The following DYM variants were observed in gnomAD, a reference collection of about 807,000 sequenced individuals.
DYM encodes dyggve-Melchior-Clausen syndrome protein.
In DYM, 78 loss-of-function variants were observed where a neutral mutation model predicts 93.1. That is an observed-to-expected ratio of 0.84 (90% CI 0.70 to 1.01). DYM has a LOEUF of 1.01. Among genes scored for constraint, DYM ranks in the 50% least tolerant of loss-of-function variants. DYM has a pLI of 0.00. For missense variants in DYM, 789 were observed against 845.0 expected, an observed-to-expected ratio of 0.93 and a Z score of 0.82; for synonymous variants, 321 against 319.7, an observed-to-expected ratio of 1.00 and a Z score of -0.04.
chr18:49,083,157 A>C (rs149500061), intron 17 of DYM, among the ~76,000 whole-genome samples: 42 of 152,338 alleles, frequency 2.8e-4, no homozygotes, highest in Admixed American at 5.9e-4. Context: ...CAATACATAA[A>C]TAAGTGGGTG....
At position 49,313,776 on chromosome 18, in the gene DYM, C is replaced by G. The variant is rs969456454; in HGVS notation, c.763+18088G>C. 3.3e-5 allele frequency among the ~76,000 whole-genome samples: 5 copies of G among 152,056 alleles called. No homozygotes were observed. In the East Asian group the frequency reaches 9.6e-4, roughly 29 times the overall value. On this transcript the variant is annotated intron_variant, in intron 8 of 17. Transcript: ENST00000675505. ...CTCTCTTGGGATCTGGATCGGGACCCCTTTCTGGTAACATCTTTTTGGTGA... is the reference window on the plus strand; with the variant it reads ...CTCTCTTGGGATCTGGATCGGGACCGCTTTCTGGTAACATCTTTTTGGTGA...
At chr18:49,118,698 T>C in intron 16 of DYM, 46 bp downstream of exon 16, 2 of 1,553,412 alleles carry the variant, frequency 1.3e-6, no homozygotes, top group Non-Finnish European at 1.8e-6. Context: ...TTCTCTGCTT[T>C]AATACTTAAA....
At chr18:49,320,693 G>A (rs1211619505) in intron 8 of DYM, among the ~76,000 whole-genome samples, 8 of 152,146 alleles carry the variant, frequency 5.3e-5, no homozygotes, top group South Asian at 4.1e-4. Context: ...GGCTGGTCTC[G>A]AACCCCTGAC....
intron 14 of DYM, among the ~76,000 whole-genome samples, chr18:49,190,513 C>T (rs917499379): frequency 2.0e-5 from 3 of 152,186 alleles, no homozygotes; most frequent in African/African-American, 7.2e-5. Context: ...ATTCTTAAGA[C>T]TTCTACTGTT....
intron 8 of DYM, among the ~76,000 whole-genome samples, chr18:49,322,358 A>C (rs187176587): frequency 2.6e-4 from 40 of 152,288 alleles, no homozygotes; most frequent in African/African-American, 8.9e-4. Context: ...AAATAATTAT[A>C]ATGACATTAC....
At chr18:49,396,781 G>A (rs938828706) in intron 2 of DYM, among the ~76,000 whole-genome samples, 1 of 152,076 alleles carries the variant, frequency 6.6e-6, no homozygotes, top group Non-Finnish European at 1.5e-5. Context: ...GCACCTGGAT[G>A]AACCCACAAG....
At chr18:49,364,577 A>C (rs1476417361) in intron 5 of DYM, among the ~76,000 whole-genome samples, 1 of 152,202 alleles carries the variant, frequency 6.6e-6, no homozygotes, top group Non-Finnish European at 1.5e-5. Flanking sequence ...AGAGCTAACT[A>C]AACTCCATCC....
At position 49,257,090 on chromosome 18, in the gene DYM, G is replaced by A. The variant is rs779400810; in HGVS notation, c.1380C>T (p.His460=). 2.4e-5 allele frequency: 39 copies of A among 1,613,720 alleles called. No homozygotes were observed. The highest frequency in any genetic ancestry group is 2.9e-5 in the Non-Finnish European group (34 of 1,179,786). The change falls in exon 13 of 18, where the codon CAC becomes CAT. Residue 460 remains histidine, a synonymous_variant. Coordinates refer to ENST00000675505, the MANE Select transcript of DYM (RefSeq NM_001353214.3). ...NMTRTRDKYL[H]TNCLAALANM... ...TTGCTAAAGCTGCCAAACAATTTGTGTGAAGGTACTTGTCCTGTGAGGAAA... is the reference window on the plus strand; with the variant it reads ...TTGCTAAAGCTGCCAAACAATTTGTATGAAGGTACTTGTCCTGTGAGGAAA...
intron 16 of DYM, among the ~76,000 whole-genome samples, chr18:49,107,479 A>T (rs1020186103): frequency 1.3e-5 from 2 of 152,146 alleles, no homozygotes; most frequent in Non-Finnish European, 2.9e-5. Context: ...GAGGAGAGGC[A>T]CTCTGATTTT....
intron 15 of DYM, chr18:49,126,620 T>C (rs2082860088): frequency 1.3e-5 from 2 of 151,598 alleles, no homozygotes; most frequent in South Asian, 4.2e-4. Context: ...ATCTCATGAT[T>C]TGGGTGTCAG....
chr18:49,425,880 A>C (rs553326657), intron 2 of DYM, among the ~76,000 whole-genome samples: 1,921 of 152,120 alleles, frequency 0.013, 33 homozygotes, highest in African/African-American at 0.043. Flanking sequence ...GGCGATCATT[A>C]AAAAGTCAGG....
chr18:49,419,044 C>G (rs1468388944), intron 2 of DYM, among the ~76,000 whole-genome samples: 8 of 152,168 alleles, frequency 5.3e-5, no homozygotes, highest in Non-Finnish European at 1.2e-4. Context: ...ATACGTTTCT[C>G]TTAAATCACC....
intron 1 of DYM, among the ~76,000 whole-genome samples, chr18:49,435,315 G>A (rs529692144): frequency 1.3e-4 from 19 of 150,894 alleles, no homozygotes; most frequent in African/African-American, 4.1e-4. Flanking sequence ...GTTATTATAA[G>A]GTATTGTGCA....
chr18:49,414,286 A>G (rs1368511574), intron 2 of DYM, among the ~76,000 whole-genome samples: 1 of 152,220 alleles, frequency 6.6e-6, no homozygotes, highest in Non-Finnish European at 1.5e-5. Context: ...TAAACTGTAC[A>G]ATTAAAAATG....
At chr18:49,154,677 G>C (rs948575520) in intron 15 of DYM, among the ~76,000 whole-genome samples, 1 of 152,188 alleles carries the variant, frequency 6.6e-6, no homozygotes, top group Non-Finnish European at 1.5e-5. Context: ...TTACAGGTGT[G>C]AGCCAATGCG....
At chr18:49,135,308 C>A (rs893361160) in intron 15 of DYM, among the ~76,000 whole-genome samples, 1 of 152,064 alleles carries the variant, frequency 6.6e-6, no homozygotes, top group African/African-American at 2.4e-5. Flanking sequence ...TTAAAGACTC[C>A]CCAGTTGTAT....
chr18:49,348,095 G>T (rs2064761626), intron 6 of DYM, among the ~76,000 whole-genome samples: 1 of 152,170 alleles, frequency 6.6e-6, no homozygotes, highest in African/African-American at 2.4e-5. Context: ...CTTGGATAAA[G>T]ACAAAAGACT....
At chr18:49,142,532 G>A (rs577907229) in intron 15 of DYM, among the ~76,000 whole-genome samples, 1 of 152,242 alleles carries the variant, frequency 6.6e-6, no homozygotes, top group Admixed American at 6.5e-5. Context: ...CTCATGTATT[G>A]AGAATACAGA....
At chr18:49,441,289 TATA>T (rs2081559940) in intron 1 of DYM, among the ~76,000 whole-genome samples, 4 of 44,662 alleles carry the variant, frequency 9.0e-5, no homozygotes, top group African/African-American at 1.2e-4. Flanking sequence ...TATAATTATA[TATA>T]ATATAATTAT....
Sources: allele counts gnomAD v4.1 joint callset (sites outside exome capture counted in the v4.1 genomes callset), GRCh38; gene constraint gnomAD v4.1.1; transcripts MANE v1.5; gene names NCBI Gene and HGNC (gene_info 2026-07-23, HGNC 2026-07-21).